Variants in PRKN observed in about 807,000 individuals in gnomAD.
The protein encoded by PRKN is parkin RBR E3 ubiquitin protein ligase, also known as E3 ubiquitin-protein ligase parkin.
Under a neutral mutation model 59.5 loss-of-function variants are expected in PRKN, and 56 were observed. The observed-to-expected ratio is 0.94, with a 90% CI of 0.76 to 1.18. The LOEUF (loss-of-function observed/expected upper bound fraction) is 1.18, where lower values mean the gene tolerates loss of function less well. PRKN is among the 50% of genes most tolerant of loss of function. The pLI, the probability that PRKN is intolerant of heterozygous loss-of-function variation, is 0.00. For synonymous variants in PRKN, 250 were observed against 222.1 expected (o/e 1.13, Z -1.12); for missense variants, 657 against 596.4 (o/e 1.10, Z -1.06).
Position 161,362,206 on chromosome 6 carries a change from A to G in PRKN, c.1168-2001T>C, listed in dbSNP as rs578241270. ...AGGGCAATTTCTCCCAGGTCCACAC[A>G]CCTAAAAATGCTGGATCAAATATGG... is the stretch of plus-strand genomic sequence containing the variant. On this transcript the variant is annotated intron_variant, in intron 10 of 11. Coordinates refer to ENST00000366898, the MANE Select transcript of PRKN (RefSeq NM_004562.3). This position sits in a 1 kb window ranked among gnomAD's most constrained non-coding sequence, Gnocchi z 5.2. 3.3e-5 allele frequency among the ~76,000 whole-genome samples: 5 copies of G among 152,320 alleles called. No individual in the cohort carries two copies. The East Asian group carries it at 9.6e-4, about 29-fold the overall frequency.
intron 1 of PRKN, among the ~76,000 whole-genome samples, chr6:162,684,658 C>A (rs945699973): frequency 6.6e-6 from 1 of 152,050 alleles, no homozygotes; most frequent in African/African-American, 2.4e-5. Flanking sequence ...ATGCATAATA[C>A]ATGGGGTTAC....
chr6:161,670,795 A>T (rs1242662945), intron 7 of PRKN, among the ~76,000 whole-genome samples: 1 of 148,420 alleles, frequency 6.7e-6, no homozygotes, highest in Non-Finnish European at 1.5e-5. Context: ...CAGCCTAGCA[A>T]CAGAGCGAGA....
At chr6:162,633,541 G>A (rs527392714) in intron 1 of PRKN, among the ~76,000 whole-genome samples, 4 of 150,186 alleles carry the variant, frequency 2.7e-5, no homozygotes, top group South Asian at 4.2e-4. Flanking sequence ...GTATAAAACC[G>A]GATTTCCAGA....
intron 4 of PRKN, among the ~76,000 whole-genome samples, chr6:162,193,278 TGTGA>T (rs1784361153): frequency 1.3e-5 from 2 of 152,246 alleles, no homozygotes; most frequent in Admixed American, 1.3e-4. Context: ...TACGCATTTC[TGTGA>T]TACAGAAGAG....
intron 1 of PRKN, among the ~76,000 whole-genome samples, chr6:162,529,024 C>T (rs936578305): frequency 2.0e-5 from 3 of 152,070 alleles, no homozygotes; most frequent in African/African-American, 7.2e-5. Context: ...CTGTCATGCA[C>T]CATCACACCG....
intron 4 of PRKN, among the ~76,000 whole-genome samples, chr6:162,145,104 G>A (rs1216140032): frequency 3.3e-5 from 5 of 152,078 alleles, no homozygotes; most frequent in Admixed American, 6.6e-5. Context: ...TCACTTCAAC[G>A]CAATTTATTA....
At chr6:162,370,468 C>A (rs780477679) in intron 2 of PRKN, among the ~76,000 whole-genome samples, 2 of 152,058 alleles carry the variant, frequency 1.3e-5, no homozygotes, top group Non-Finnish European at 2.9e-5. Flanking sequence ...GAAACAACTT[C>A]ATTTCCCCAA....
At chr6:161,516,469 A>T (rs1352813803) in intron 9 of PRKN, among the ~76,000 whole-genome samples, 4 of 37,226 alleles carry the variant, frequency 1.1e-4, no homozygotes, top group Non-Finnish European at 1.7e-4. Flanking sequence ...GCTCCTTCTA[A>T]AAAAAAAAAA....
intron 2 of PRKN, among the ~76,000 whole-genome samples, chr6:162,294,532 C>T (rs1423962545): frequency 6.6e-6 from 1 of 152,104 alleles, no homozygotes; most frequent in African/African-American, 2.4e-5. Flanking sequence ...CTTCAACTGC[C>T]CACAGGACTG....
intron 6 of PRKN, among the ~76,000 whole-genome samples, chr6:161,936,791 T>A (rs1779375233): frequency 6.7e-6 from 1 of 149,252 alleles, no homozygotes; most frequent in Non-Finnish European, 1.5e-5. Flanking sequence ...GTTTCATATT[T>A]TTTTTTTTTT....
At chr6:162,138,704 T>C (rs1014109796) in intron 4 of PRKN, among the ~76,000 whole-genome samples, 1 of 151,904 alleles carries the variant, frequency 6.6e-6, no homozygotes, top group African/African-American at 2.4e-5. Context: ...GTGTTGAAAG[T>C]CTCAAATGTA....
At chr6:161,747,017 T>C (rs1788460959) in intron 7 of PRKN, among the ~76,000 whole-genome samples, 2 of 152,120 alleles carry the variant, frequency 1.3e-5, no homozygotes, top group African/African-American at 4.8e-5. Flanking sequence ...CATCTTATTG[T>C]AGAAACGTTT....
intron 7 of PRKN, among the ~76,000 whole-genome samples, chr6:161,680,775 A>ATATTTTTT (rs1216235673): frequency 4.2e-4 from 13 of 30,604 alleles, no homozygotes; most frequent in Non-Finnish European, 5.5e-4. Context: ...ATATATATAT[A>ATATTTTTT]TTTTTTTTTT....
chr6:162,010,913 AAATATATAATATATAATAT>A (rs1782594211), intron 5 of PRKN, among the ~76,000 whole-genome samples: 1 of 8,908 alleles, frequency 1.1e-4, no homozygotes, highest in African/African-American at 1.7e-3. Flanking sequence ...ATAATATATT[AAATATATAATATATAATAT>A]AATATATAAT....
chr6:161,351,895 G>A (rs1309631578), intron 11 of PRKN, among the ~76,000 whole-genome samples: 2 of 152,176 alleles, frequency 1.3e-5, no homozygotes, highest in African/African-American at 4.8e-5. Flanking sequence ...TTCAGCATAA[G>A]AGGAAAAGTC....
intron 5 of PRKN, among the ~76,000 whole-genome samples, chr6:161,980,963 T>C (rs1247282903): frequency 2.0e-5 from 3 of 152,200 alleles, no homozygotes; most frequent in African/African-American, 7.2e-5. Context: ...GATACAGAAA[T>C]ACTCACACAA....
At chr6:162,268,963 T>C (rs550265518) in intron 2 of PRKN, among the ~76,000 whole-genome samples, 1 of 151,994 alleles carries the variant, frequency 6.6e-6, no homozygotes, top group African/African-American at 2.4e-5. Context: ...GGTAGCAAAG[T>C]AAAGATTAGT....
chr6:162,569,188 G>C (rs1275456693), intron 1 of PRKN: 1 of 577,942 alleles, frequency 1.7e-6, no homozygotes, highest in Non-Finnish European at 3.2e-6. Context: ...CAGATGCAAA[G>C]ACTGAGATCT....
chr6:161,600,134 T>C (rs978430306), intron 7 of PRKN, among the ~76,000 whole-genome samples: 3 of 152,238 alleles, frequency 2.0e-5, no homozygotes, highest in Non-Finnish European at 4.4e-5. Flanking sequence ...CCCAAATTGC[T>C]ATTTTGAATA....
Sources: gnomAD v4.1 joint callset for allele counts (sites outside exome capture counted in the v4.1 genomes callset) on GRCh38, gnomAD v4.1.1 for gene constraint, Gnocchi (gnomAD v3.1) non-coding constraint, MANE v1.5 for transcripts, NCBI Gene and HGNC (gene_info 2026-07-23, HGNC 2026-07-21) for gene names.